DENND2B: variants seen among roughly 807,000 people sequenced by gnomAD.
DENND2B encodes DENN domain containing 2B, also known as DENN domain-containing protein 2B.
DENND2B carries 32 observed loss-of-function variants against 116.0 expected under a neutral mutation model. The observed-to-expected ratio is 0.28, with a 90% confidence interval of 0.21 to 0.37. The LOEUF is 0.37. DENND2B is among the 10% of genes least tolerant of loss of function. The pLI, the probability that DENND2B is intolerant of heterozygous loss-of-function variation, is 1.00. For synonymous variants in DENND2B, 588 were observed against 583.9 expected, an observed-to-expected ratio of 1.01 and a Z score of -0.10; for missense variants, 1,276 against 1,477.7, an observed-to-expected ratio of 0.86 and a Z score of 2.24.
intron 2 of DENND2B, among the ~76,000 whole-genome samples, chr11:8,878,050 T>C (rs1310625464): frequency 6.6e-6 from 1 of 152,182 alleles, no homozygotes; most frequent in Non-Finnish European, 1.5e-5. Flanking sequence ...CCTTCAATGA[T>C]TGTCAGAATT....
chr11:8,825,971 T>C (rs1255867410), intron 4 of DENND2B, among the ~76,000 whole-genome samples: 2 of 152,106 alleles, frequency 1.3e-5, no homozygotes, highest in East Asian at 1.9e-4. Flanking sequence ...CCGGGGTAAA[T>C]GGAGTCTTGA....
intron 1 of DENND2B, among the ~76,000 whole-genome samples, chr11:8,884,865 T>A (rs2063943926): frequency 6.6e-6 from 1 of 152,208 alleles, no homozygotes; most frequent in South Asian, 2.1e-4. Context: ...AATATCAGTG[T>A]GTTAAAGCCA....
chr11:8,901,227 TTC>T (rs1182469831), intron 1 of DENND2B, among the ~76,000 whole-genome samples: 5 of 57,016 alleles, frequency 8.8e-5, no homozygotes, highest in Admixed American at 4.1e-4. Flanking sequence ...TTCTTTTCTT[TTC>T]TTTTTTTTTT....
chr11:8,804,180 T>C (rs1220760023), intron 1 of DENND2B, among the ~76,000 whole-genome samples: 2 of 152,230 alleles, frequency 1.3e-5, no homozygotes, highest in African/African-American at 4.8e-5. Flanking sequence ...CAAAATCTCA[T>C]TGGCCCCTAC....
rs759016340 is a variant in DENND2B, at chr11:8,712,735, G to C, written c.1988C>G (p.Ala663Gly). 6.2e-7 allele frequency: 1 copy of C among 1,607,114 alleles called. No individual in the cohort carries two copies. Among genetic ancestry groups the C allele is most frequent in the Admixed American group, 1.7e-5 (1 of 59,644 alleles). The change falls in exon 9 of 20, where the codon GCC (alanine) becomes GGC (glycine). Residue 663 changes from alanine to glycine, a missense_variant and splice_region_variant. Physicochemically the swap from Ala to Gly is moderately conservative, Grantham distance 60. Coordinates refer to ENST00000313726, the MANE Select transcript of DENND2B (RefSeq NM_213618.2). This position sits in a 1 kb window ranked among gnomAD's most constrained non-coding sequence, Gnocchi z 4.4. ...GATGTGGACCAGGCGCTGTGTGTGGGCTGGAGGCAGGTTGCACATCAGGGA... is the reference window on the plus strand; with the variant it reads ...GATGTGGACCAGGCGCTGTGTGTGGCCTGGAGGCAGGTTGCACATCAGGGA... ...SESDSDDRFK[A>G]HTQRLVHIQS...
intron 2 of DENND2B, among the ~76,000 whole-genome samples, chr11:8,734,649 C>T (rs938966331): frequency 1.3e-5 from 2 of 151,830 alleles, no homozygotes; most frequent in Admixed American, 6.6e-5. Flanking sequence ...ATTAGCTGGG[C>T]GTGGTGGCAG....
At chr11:8,829,734 G>C (rs1450317813) in intron 4 of DENND2B, among the ~76,000 whole-genome samples, 1 of 152,008 alleles carries the variant, frequency 6.6e-6, no homozygotes, top group East Asian at 1.9e-4. Context: ...CCTATATCAC[G>C]GGTCCCGCCC....
Position 8,861,079 on chromosome 11 carries a change from A to C in DENND2B, c.-249-3643T>G, listed in dbSNP as rs565307399. ...TAGATCTAAGACATGAAACCATAAA[A>C]ATTCTAAAAGAAAACTTAGGAAAAA... On this transcript the variant is annotated intron_variant, in intron 2 of 6. Coordinates refer to the DENND2B transcript ENST00000524757. Among the ~76,000 whole-genome samples, 23 of 152,326 alleles carry C rather than the reference A, an allele frequency of 1.5e-4. No individual in the cohort carries two copies. In the South Asian group the frequency reaches 4.8e-3, roughly 32 times the overall value.
At chr11:8,813,514 C>T (rs548563151), upstream of DENND2B, among the ~76,000 whole-genome samples, 1 of 152,300 alleles carries the variant, frequency 6.6e-6, no homozygotes, top group Admixed American at 6.5e-5. Context: ...ATGCACATTC[C>T]ACTTGCCCAG....
intron 2 of DENND2B, among the ~76,000 whole-genome samples, chr11:8,739,838 A>T (rs974086133): frequency 5.9e-5 from 9 of 152,252 alleles, no homozygotes; most frequent in South Asian, 2.1e-4. Flanking sequence ...AAGACACATA[A>T]TTAGGATGGA....
At chr11:8,777,948 A>G (rs1378445466) in intron 1 of DENND2B, among the ~76,000 whole-genome samples, 1 of 152,192 alleles carries the variant, frequency 6.6e-6, no homozygotes, top group Non-Finnish European at 1.5e-5. Context: ...TACTAAGACC[A>G]TCTTTTCCAG....
intron 1 of DENND2B, among the ~76,000 whole-genome samples, chr11:8,753,636 A>C (rs951302740): frequency 6.6e-6 from 1 of 151,982 alleles, no homozygotes; most frequent in African/African-American, 2.4e-5. Flanking sequence ...AAGTTAGAAG[A>C]CTCTGAGTTG....
At chr11:8,907,938 G>A (rs2064260010) in intron 1 of DENND2B, among the ~76,000 whole-genome samples, 1 of 152,266 alleles carries the variant, frequency 6.6e-6, no homozygotes, top group East Asian at 1.9e-4. Flanking sequence ...CTGGCCTCAA[G>A]TAATCCTTCC....
chr11:8,809,549 C>G (rs1387809273), intron 1 of DENND2B: 1 of 152,182 alleles, frequency 6.6e-6, no homozygotes, highest in Non-Finnish European at 1.5e-5. Context: ...TTACTGACAA[C>G]CCCACTACCC....
At chr11:8,711,836 C>T (rs1288212702) in intron 9 of DENND2B, 2 of 344,746 alleles carry the variant, frequency 5.8e-6, no homozygotes, top group Admixed American at 3.4e-5. Context: ...CATTGCACTC[C>T]AGCCTCTGTA....
Position 8,707,193 on chromosome 11 carries a change from G to T in DENND2B, c.2463C>A (p.Ile821=). ...VLDEVERRRG[I]SAALVYPFMR... is the part of the protein sequence containing the mutation. ...TGAAAGGATAGACCAATGCAGCGGA[G>T]ATCCCACGCCGGCGCTCCACCTCAT... Residue 821 remains isoleucine, a synonymous_variant, in exon 13 of 20, where the codon ATC becomes ATA. Transcript: ENST00000313726. The surrounding 1 kb of genome is among the most constrained non-coding windows in gnomAD (Gnocchi z 4.8). 1.2e-6 allele frequency: 2 copies of T among 1,613,298 alleles called. No homozygotes were observed. The highest frequency in any genetic ancestry group is 1.7e-6 in the Non-Finnish European group (2 of 1,179,546).
chr11:8,769,044 G>A (rs2056401969), intron 1 of DENND2B, among the ~76,000 whole-genome samples: 3 of 151,948 alleles, frequency 2.0e-5, no homozygotes, highest in East Asian at 1.9e-4. Context: ...GGCTTAGAAG[G>A]GCCACACTGC....
At chr11:8,868,286 C>T (rs2063655393) in intron 2 of DENND2B, among the ~76,000 whole-genome samples, 1 of 152,254 alleles carries the variant, frequency 6.6e-6, no homozygotes. Flanking sequence ...ATGACTTGCA[C>T]ATGACTTGTG....
intron 1 of DENND2B, among the ~76,000 whole-genome samples, chr11:8,807,568 T>C (rs1282496746): frequency 1.3e-5 from 2 of 152,122 alleles, no homozygotes; most frequent in East Asian, 1.9e-4. Context: ...GTGACTGATA[T>C]CTAATTTGAG....
Sources: allele counts gnomAD v4.1 joint callset (sites outside exome capture counted in the v4.1 genomes callset), GRCh38; gene constraint gnomAD v4.1.1; non-coding constraint Gnocchi (gnomAD v3.1); transcripts MANE v1.5; gene names NCBI Gene and HGNC (gene_info 2026-07-23, HGNC 2026-07-21).